Variants in TMEM178B observed in about 807,000 individuals in gnomAD.
TMEM178B encodes transmembrane protein 178B.
A neutral mutation model predicts 31.0 loss-of-function variants in TMEM178B; 5 were observed. That is an observed-to-expected ratio of 0.16 (90% CI 0.08 to 0.34). TMEM178B has a LOEUF of 0.34. Ranked by LOEUF, TMEM178B falls within the 10% of genes least tolerant of loss-of-function variation. TMEM178B has a pLI of 1.00. For missense variants in TMEM178B, 275 were observed against 400.3 expected (o/e 0.69, Z 2.67); for synonymous variants, 164 against 164.0 (o/e 1.00, Z 0.00).
chr7:141,491,288 C>T, the TMEM178B span, among the ~76,000 whole-genome samples: 1 of 152,172 alleles, frequency 6.6e-6, no homozygotes, highest in Admixed American at 6.5e-5. Context: ...TTGCCTTAGC[C>T]TCCTAAAGTG....
chr7:141,342,371 C>G (rs1178613652), intron 2 of TMEM178B, among the ~76,000 whole-genome samples: 1 of 152,230 alleles, frequency 6.6e-6, no homozygotes, highest in East Asian at 1.9e-4. Flanking sequence ...ACTGGATCAT[C>G]TAAGCCATGA....
intron 2 of TMEM178B, among the ~76,000 whole-genome samples, chr7:141,408,842 G>T (rs1177590323): frequency 1.3e-5 from 2 of 152,204 alleles, no homozygotes; most frequent in African/African-American, 4.8e-5. Context: ...GAAAGGGGAG[G>T]TGAGTTTATT....
chr7:141,271,228 G>A (rs1798175534), intron 2 of TMEM178B, among the ~76,000 whole-genome samples: 1 of 152,164 alleles, frequency 6.6e-6, no homozygotes, highest in Non-Finnish European at 1.5e-5. Flanking sequence ...GTGGCAGGAG[G>A]CCTGCTTCAA....
the TMEM178B span, among the ~76,000 whole-genome samples, chr7:141,496,612 G>A: frequency 2.2e-5 from 3 of 137,702 alleles, no homozygotes; most frequent in Admixed American, 7.1e-5. Context: ...GGAGCTTGCA[G>A]TGAGCCGAGA....
intron 1 of TMEM178B, among the ~76,000 whole-genome samples, chr7:141,178,803 G>A (rs1796473052): frequency 6.6e-6 from 1 of 152,128 alleles, no homozygotes; most frequent in African/African-American, 2.4e-5. Flanking sequence ...CCGGCTTTTA[G>A]CAGTAGTTCT....
chr7:141,212,703 A>G lies in TMEM178B; in HGVS notation c.495A>G (p.Leu165=). ...TCCGTCAGGATGAGTGGCATGCCCT[A>G]CGTAAGTGCACCTGAGTCTCAGTGG... ...KTIRQDEWHA[L]HLRRMTAGFM... The change falls in exon 2 of 4, where the codon CTA becomes CTG. Residue 165 remains leucine, a splice_region_variant and synonymous_variant. Coordinates refer to ENST00000565468, the MANE Select transcript of TMEM178B (RefSeq NM_001195278.2). 1.3e-6 allele frequency: 2 copies of G among 1,535,012 alleles called. No homozygotes were observed. Among genetic ancestry groups the G allele is most frequent in the South Asian group, 1.2e-5 (1 of 84,030 alleles).
At chr7:141,282,399 A>T (rs920876811) in intron 2 of TMEM178B, among the ~76,000 whole-genome samples, 1 of 152,218 alleles carries the variant, frequency 6.6e-6, no homozygotes, top group African/African-American at 2.4e-5. Context: ...AGACGCTAAG[A>T]TAGGGCTCAA....
the TMEM178B span, among the ~76,000 whole-genome samples, chr7:141,501,383 T>C: frequency 6.6e-6 from 1 of 151,948 alleles, no homozygotes. Context: ...CCTCCTAGAA[T>C]CCACATTCTC....
the TMEM178B span, among the ~76,000 whole-genome samples, chr7:141,490,352 G>T: frequency 6.0e-4 from 91 of 152,292 alleles, no homozygotes; most frequent in Admixed American, 1.5e-3. Context: ...CAGTATGAAT[G>T]GTGTCTGTAA....
At chr7:141,421,101 A>G (rs1049077898) in intron 2 of TMEM178B, among the ~76,000 whole-genome samples, 2 of 151,742 alleles carry the variant, frequency 1.3e-5, no homozygotes, top group Non-Finnish European at 2.9e-5. Context: ...CTAAACCCTC[A>G]TTTTTCCTGC....
chr7:141,269,814 C>G (rs1055140341), intron 2 of TMEM178B, among the ~76,000 whole-genome samples: 1 of 152,030 alleles, frequency 6.6e-6, no homozygotes, highest in African/African-American at 2.4e-5. Flanking sequence ...CCTGTAATCC[C>G]AGCACTTTGG....
At chr7:141,443,579 C>T (rs1313784516) in intron 3 of TMEM178B, among the ~76,000 whole-genome samples, 3 of 152,206 alleles carry the variant, frequency 2.0e-5, no homozygotes, top group Non-Finnish European at 2.9e-5. Context: ...CCATTTTCAT[C>T]ACATCATTTC....
intron 2 of TMEM178B, among the ~76,000 whole-genome samples, chr7:141,340,904 T>C (rs890627760): frequency 6.6e-6 from 1 of 152,190 alleles, no homozygotes; most frequent in Non-Finnish European, 1.5e-5. Context: ...TTCAATAATG[T>C]ATGAATTATG....
chr7:141,253,544 CTTTT>C (rs34199017), intron 2 of TMEM178B, among the ~76,000 whole-genome samples: 1 of 70,032 alleles, frequency 1.4e-5, no homozygotes, highest in Non-Finnish European at 2.5e-5. Context: ...ATTTTCCCTT[CTTTT>C]TTTTTTTTTT....
intron 1 of TMEM178B, among the ~76,000 whole-genome samples, chr7:141,103,925 C>T (rs1204667779): frequency 6.6e-6 from 1 of 152,124 alleles, no homozygotes; most frequent in Non-Finnish European, 1.5e-5. Flanking sequence ...CTTTCAGGAA[C>T]CAATTCCTCT....
intron 2 of TMEM178B, among the ~76,000 whole-genome samples, chr7:141,278,170 TAC>T (rs1798296907): frequency 6.6e-6 from 1 of 152,220 alleles, no homozygotes; most frequent in South Asian, 2.1e-4. Flanking sequence ...AAAGGAAATA[TAC>T]ACAATCTCAA....
chr7:141,409,945 T>G (rs902881314), intron 2 of TMEM178B, among the ~76,000 whole-genome samples: 1 of 152,188 alleles, frequency 6.6e-6, no homozygotes, highest in African/African-American at 2.4e-5. Flanking sequence ...TCTCCTCTGC[T>G]GAGCCCCGGG....
intron 1 of TMEM178B, among the ~76,000 whole-genome samples, chr7:141,145,827 G>A (rs1307469586): frequency 6.6e-6 from 1 of 152,194 alleles, no homozygotes; most frequent in Admixed American, 6.5e-5. Context: ...TGCTTGTCTT[G>A]TGGCCTAAAT....
intron 2 of TMEM178B, among the ~76,000 whole-genome samples, chr7:141,301,790 A>G (rs978646442): frequency 2.0e-5 from 3 of 152,168 alleles, no homozygotes; most frequent in Non-Finnish European, 4.4e-5. Context: ...GCTTGTGAGC[A>G]CCAGTGCAGA....
Sources: allele counts gnomAD v4.1 joint callset (sites outside exome capture counted in the v4.1 genomes callset), GRCh38; gene constraint gnomAD v4.1.1; transcripts MANE v1.5; gene names NCBI Gene and HGNC (gene_info 2026-07-23, HGNC 2026-07-21).